The following LMLN variants were observed in gnomAD, a reference collection of about 807,000 sequenced individuals.
The protein encoded by LMLN is leishmanolysin like peptidase, also known as leishmanolysin-like peptidase.
Under a neutral mutation model 92.3 loss-of-function variants are expected in LMLN, and 70 were observed. The ratio of observed to expected loss-of-function variants is 0.76; its 90% CI spans 0.63 to 0.92. LMLN has a LOEUF of 0.92. Ranked by LOEUF, LMLN falls within the 40% of genes least tolerant of loss-of-function variation. LMLN has a pLI of 0.00. For synonymous variants in LMLN, 308 were observed against 296.2 expected (o/e 1.04, Z -0.41); for missense variants, 691 against 814.6 (o/e 0.85, Z 1.85).
chr3:197,970,836 A>G (rs1346144486), intron 1 of LMLN, among the ~76,000 whole-genome samples: 4 of 152,210 alleles, frequency 2.6e-5, no homozygotes, highest in Non-Finnish European at 4.4e-5. Flanking sequence ...TTTCATATCT[A>G]TTCACGTATT....
Position 198,042,152 on chromosome 3 carries a change from T to C in LMLN, c.*3485T>C, listed in dbSNP as rs142032170. 1.7e-3 allele frequency: 254 copies of C among 152,324 alleles called. No homozygotes were observed. The highest frequency in any genetic ancestry group is 5.8e-3 in the African/African-American group (241 of 41,576). The allele number at this position is 152,324 out of a possible 1,614,324, so 9.4% of individuals were successfully genotyped here. ...GGCTTGAATATGATTTTACTCATCA[T>C]TGATTCTGCATAGTGTACCCAGCAA... On this transcript the variant is annotated 3_prime_UTR_variant, in exon 16 of 16. Transcript: ENST00000330198. This position sits in a 1 kb window ranked among gnomAD's most constrained non-coding sequence, Gnocchi z 4.2.
intron 9 of LMLN, among the ~76,000 whole-genome samples, chr3:197,991,415 C>A (rs577903436): frequency 9.9e-5 from 15 of 152,042 alleles, no homozygotes; most frequent in African/African-American, 3.6e-4. Context: ...CAAGAGGTAA[C>A]TTTTGAGGAT....
intron 11 of LMLN, among the ~76,000 whole-genome samples, chr3:198,015,142 T>A (rs1383294095): frequency 9.4e-6 from 1 of 106,564 alleles, no homozygotes; most frequent in Non-Finnish European, 2.0e-5. Context: ...TTTCAGAGCC[T>A]CCTAACTAGT....
chr3:197,991,864 T>C lies in LMLN; in HGVS notation c.1047+1188T>C, dbSNP rs1222968119. Among the ~76,000 whole-genome samples the C allele has an allele frequency of 8.3e-5, 4 of 48,002 alleles. No individual in the cohort carries two copies. The African/African-American group carries it at 8.5e-4, about 10-fold the overall frequency. The allele number at this position is 48,002 out of a possible 152,430, so 31.5% of individuals were successfully genotyped here. On this transcript the variant is annotated intron_variant, in intron 9 of 15. Coordinates refer to ENST00000330198, the Ensembl canonical transcript of LMLN. ...GCAAGGTTTTATTCTACTGAGCAAC[T>C]TTTTTTTTTTTTTTTTGAGACAGTT...
chr3:197,982,327 G>T (rs1427822923), intron 6 of LMLN, among the ~76,000 whole-genome samples: 1 of 148,426 alleles, frequency 6.7e-6, no homozygotes, highest in Non-Finnish European at 1.5e-5. Context: ...CTGGGTTCAA[G>T]TGATTCTCCT....
intron 13 of LMLN, 79 bp downstream of exon 14, chr3:198,021,684 C>T (rs1258339291): frequency 3.1e-6 from 4 of 1,274,346 alleles, no homozygotes; most frequent in East Asian, 2.5e-5. Context: ...GTTAAGGGCA[C>T]AGACCCTAGA....
intron 8 of LMLN, among the ~76,000 whole-genome samples, chr3:197,988,406 A>G (rs1354253691): frequency 7.0e-6 from 1 of 142,796 alleles, no homozygotes; most frequent in Non-Finnish European, 1.5e-5. Context: ...ATTTTTTTTG[A>G]TTTATGTATT....
intron 11 of LMLN, among the ~76,000 whole-genome samples, chr3:198,002,502 C>T (rs1470815728): frequency 6.6e-6 from 1 of 152,198 alleles, no homozygotes; most frequent in Non-Finnish European, 1.5e-5. Context: ...CTTTGGCAGG[C>T]CAAGGCGGGT....
intron 1 of LMLN, among the ~76,000 whole-genome samples, chr3:197,966,671 T>G (rs1256691663): frequency 6.6e-6 from 1 of 152,206 alleles, no homozygotes; most frequent in Non-Finnish European, 1.5e-5. Context: ...TGATTGATTT[T>G]TTTTGAATGT....
chr3:197,971,267 C>G lies in LMLN; in HGVS notation c.220-3110C>G, dbSNP rs35841528. ...GGGGAGGCCTCAGGAAACTTACAAT[C>G]ATGGTGGAAGATGAAGGAGAAGCAA... On this transcript the variant is annotated intron_variant, in intron 1 of 15. Transcript: ENST00000330198. Among the ~76,000 whole-genome samples the G allele has an allele frequency of 4.9e-3, 743 of 152,258 alleles. 9 individuals carry two copies. The highest frequency in any genetic ancestry group is 0.017 in the African/African-American group (694 of 41,564).
chr3:197,984,768 T>C (rs1161232630), intron 7 of LMLN, among the ~76,000 whole-genome samples: 1 of 151,928 alleles, frequency 6.6e-6, no homozygotes, highest in African/African-American at 2.4e-5. Context: ...TGCAACCTCC[T>C]GGGCTCAAAT....
chr3:198,005,526 T>C lies in LMLN; in HGVS notation c.1232+6184T>C, dbSNP rs568884557. On this transcript the variant is annotated intron_variant, in intron 11 of 15. Transcript: ENST00000330198. ...TAATACAATATAAATGCTATGGAAA[T>C]AGTTGTTATACTATATTGTTTAGGG... Among the ~76,000 whole-genome samples, 6 of 152,246 alleles carry C rather than the reference T, an allele frequency of 3.9e-5. No individual in the cohort carries two copies. In the South Asian group the frequency reaches 1.2e-3, roughly 32 times the overall value.
exon 15 of LMLN, chr3:198,035,870 A>G: frequency 6.2e-7 from 1 of 1,614,060 alleles, no homozygotes. Context: ...GTTTGGGTCC[A>G]AGATACTTCA....
At chr3:198,026,417 C>T (rs1722933798) in intron 14 of LMLN, among the ~76,000 whole-genome samples, 1 of 152,120 alleles carries the variant, frequency 6.6e-6, no homozygotes, top group Admixed American at 6.5e-5. Flanking sequence ...CTCCCGGTTC[C>T]AGAGATTCTT....
chr3:197,996,283 G>T lies in LMLN; in HGVS notation c.1155+1G>T. On this transcript the variant is annotated splice_donor_variant, in intron 10 of 15. Transcript: ENST00000330198. LOFTEE classifies it high-confidence loss of function. ...CCATTGGGAAAAAAGGTTATTAGAG[G>T]TCAGTTTGTTTTTAAATTTTCCTAG... 1 of 1,533,506 alleles carries T rather than the reference G, an allele frequency of 6.5e-7. No individual in the cohort carries two copies. The highest frequency in any genetic ancestry group is 8.8e-7 in the Non-Finnish European group (1 of 1,131,962). The allele number at this position is 1,533,506 out of a possible 1,614,324, so 95.0% of individuals were successfully genotyped here.
intron 14 of LMLN, among the ~76,000 whole-genome samples, chr3:198,026,288 A>G (rs1440787657): frequency 6.6e-6 from 1 of 151,036 alleles, no homozygotes; most frequent in Non-Finnish European, 1.5e-5. Flanking sequence ...TATTTTACAT[A>G]CCATACAATT....
At chr3:198,007,878 T>C (rs771923834) in intron 11 of LMLN, among the ~76,000 whole-genome samples, 5 of 152,220 alleles carry the variant, frequency 3.3e-5, no homozygotes, top group Non-Finnish European at 5.9e-5. Flanking sequence ...TTTTTATACA[T>C]GTTCTTTATC....
At chr3:197,990,184 G>A (rs956845710) in intron 8 of LMLN, among the ~76,000 whole-genome samples, 2 of 151,738 alleles carry the variant, frequency 1.3e-5, no homozygotes, top group African/African-American at 2.4e-5. Flanking sequence ...TGCCTCAGCC[G>A]CCTGTGTAGC....
At chr3:198,032,192 A>G (rs996932883) in intron 14 of LMLN, among the ~76,000 whole-genome samples, 3 of 151,866 alleles carry the variant, frequency 2.0e-5, no homozygotes, top group Admixed American at 6.6e-5. Context: ...TGGTCTCCCT[A>G]TGGGGCTCCT....
Sources: gnomAD v4.1 joint callset for allele counts (sites outside exome capture counted in the v4.1 genomes callset) on GRCh38, gnomAD v4.1.1 for gene constraint, Gnocchi (gnomAD v3.1) non-coding constraint, MANE v1.5 for transcripts, NCBI Gene and HGNC (gene_info 2026-07-23, HGNC 2026-07-21) for gene names.